VTI1A: variants seen among roughly 807,000 people sequenced by gnomAD.
The protein encoded by VTI1A is vesicle transport through interaction with t-SNAREs 1A.
VTI1A carries 22 observed loss-of-function variants against 34.9 expected under a neutral mutation model. The ratio of observed to expected loss-of-function variants is 0.63; its 90% CI spans 0.45 to 0.90. The LOEUF (loss-of-function observed/expected upper bound fraction) is 0.90. Among genes scored for constraint, VTI1A ranks in the 40% least tolerant of loss-of-function variants. VTI1A has a pLI of 0.00. For synonymous variants in VTI1A, 87 were observed against 97.3 expected (o/e 0.89, Z 0.62); for missense variants, 268 against 275.6 (o/e 0.97, Z 0.20).
At chr10:112,474,172 C>T (rs933721956) in intron 3 of VTI1A, among the ~76,000 whole-genome samples, 1 of 152,114 alleles carries the variant, frequency 6.6e-6, no homozygotes, top group Non-Finnish European at 1.5e-5. Flanking sequence ...TGCCATTCTC[C>T]TGCCTCAGCC....
chr10:112,562,217 T>C (rs1851745641), intron 5 of VTI1A, among the ~76,000 whole-genome samples: 1 of 152,204 alleles, frequency 6.6e-6, no homozygotes, highest in Admixed American at 6.5e-5. Flanking sequence ...GTTTAAAGTA[T>C]CATCGTCCAG....
At chr10:112,720,958 A>T (rs909247870) in intron 7 of VTI1A, among the ~76,000 whole-genome samples, 2 of 141,662 alleles carry the variant, frequency 1.4e-5, no homozygotes, top group African/African-American at 2.9e-5. Context: ...TCACTGATTT[A>T]AAAAAAAAAA....
chr10:112,764,499 A>G (rs547575176), intron 7 of VTI1A, among the ~76,000 whole-genome samples: 3 of 151,586 alleles, frequency 2.0e-5, no homozygotes, highest in East Asian at 3.9e-4. Flanking sequence ...TCTGTTTTAT[A>G]TAGAGTGATA....
intron 5 of VTI1A, among the ~76,000 whole-genome samples, chr10:112,662,727 A>G (rs1337302301): frequency 6.6e-6 from 1 of 152,152 alleles, no homozygotes; most frequent in African/African-American, 2.4e-5. Context: ...CACACACTGT[A>G]TAAAAAAGAA....
intron 7 of VTI1A, among the ~76,000 whole-genome samples, chr10:112,735,800 T>C (rs951081510): frequency 7.2e-5 from 11 of 152,004 alleles, no homozygotes; most frequent in East Asian, 5.8e-4. Flanking sequence ...TTAGTTGAAA[T>C]TAATATTCTG....
At chr10:112,497,138 T>C (rs1849055679) in intron 3 of VTI1A, among the ~76,000 whole-genome samples, 1 of 151,878 alleles carries the variant, frequency 6.6e-6, no homozygotes, top group South Asian at 2.1e-4. Context: ...GCCAAAATGG[T>C]GAAACCTCAT....
In VTI1A at chr10:112,722,532, A is replaced by T. The variant is rs144399856; in HGVS notation, c.560+53534A>T. On this transcript the variant is annotated intron_variant, in intron 7 of 7. Transcript: ENST00000393077. ...AATAATAAAAAAATTAAACATTTTT[A>T]AAAAAAGATTTGATATGAGCCTGCA... Among the ~76,000 whole-genome samples the T allele has an allele frequency of 2.1e-3, 321 of 152,320 alleles. 3 individuals carry two copies. The highest frequency in any genetic ancestry group is 7.3e-3 in the African/African-American group (303 of 41,560).
chr10:112,748,950 C>A (rs1042787759), intron 7 of VTI1A, among the ~76,000 whole-genome samples: 1 of 152,124 alleles, frequency 6.6e-6, no homozygotes. Flanking sequence ...GTCTTACATG[C>A]TTTAAGTATA....
intron 1 of VTI1A, among the ~76,000 whole-genome samples, chr10:112,451,529 A>G (rs936167522): frequency 2.0e-5 from 3 of 152,232 alleles, no homozygotes; most frequent in Non-Finnish European, 2.9e-5. Flanking sequence ...GTAAGTGATT[A>G]GGGCCTTTTG....
chr10:112,848,112 A>C, the VTI1A span, among the ~76,000 whole-genome samples: 1 of 152,240 alleles, frequency 6.6e-6, no homozygotes, highest in East Asian at 1.9e-4. Context: ...AACCGCCATC[A>C]TGAGACTTTA....
At chr10:112,709,682 CTTTTTTT>C (rs57081938) in intron 7 of VTI1A, among the ~76,000 whole-genome samples, 810 of 70,238 alleles carry the variant, frequency 0.012, 10 homozygotes, top group African/African-American at 0.05. Context: ...CTCTATGTGG[CTTTTTTT>C]TTTTTTTTTT....
At chr10:112,571,724 A>T (rs1368867438) in intron 5 of VTI1A, among the ~76,000 whole-genome samples, 2 of 152,212 alleles carry the variant, frequency 1.3e-5, no homozygotes, top group Non-Finnish European at 2.9e-5. Flanking sequence ...TAGCAAAAAC[A>T]TGAAATCAAC....
At chr10:112,798,383 G>C (rs7082784) in intron 7 of VTI1A, among the ~76,000 whole-genome samples, 40,039 of 151,974 alleles carry the variant, frequency 0.26, 5,551 homozygotes, top group Non-Finnish European at 0.29. Context: ...AGGGGCCATC[G>C]TGTTGTCTAG....
Position 112,686,382 on chromosome 10 carries a change from G to A in VTI1A, c.560+17384G>A, listed in dbSNP as rs560272391. ...GACACTTTGATAGGGGCAGCATTAG[G>A]ATCCATGGAGAGGCACCATTGTAAA... On this transcript the variant is annotated intron_variant, in intron 7 of 7. Transcript: ENST00000393077. Among the ~76,000 whole-genome samples the A allele has an allele frequency of 1.2e-4, 18 of 152,214 alleles. No individual in the cohort carries two copies. The South Asian group carries it at 2.3e-3, about 19-fold the overall frequency.
chr10:112,637,110 A>G (rs1476074331), intron 5 of VTI1A, among the ~76,000 whole-genome samples: 1 of 152,194 alleles, frequency 6.6e-6, no homozygotes, highest in Admixed American at 6.5e-5. Flanking sequence ...AACATTAGAA[A>G]TTGTTTATTC....
intron 3 of VTI1A, among the ~76,000 whole-genome samples, chr10:112,522,031 A>G (rs1850044547): frequency 6.6e-6 from 1 of 152,112 alleles, no homozygotes; most frequent in African/African-American, 2.4e-5. Context: ...TTACAGAAGT[A>G]TGATATTATT....
intron 7 of VTI1A, among the ~76,000 whole-genome samples, chr10:112,717,436 G>T (rs1224339150): frequency 6.6e-6 from 1 of 152,130 alleles, no homozygotes. Context: ...CTGGCTCAGG[G>T]TCTCTCATGA....
At chr10:112,799,998 C>T (rs749575474) in intron 7 of VTI1A, among the ~76,000 whole-genome samples, 30 of 151,918 alleles carry the variant, frequency 2.0e-4, no homozygotes, top group Non-Finnish European at 1.3e-4. Context: ...ATCTAGAAAA[C>T]GTAACCACAT....
intron 5 of VTI1A, among the ~76,000 whole-genome samples, chr10:112,570,894 G>A (rs189431447): frequency 5.6e-4 from 85 of 152,326 alleles, no homozygotes; most frequent in Non-Finnish European, 8.5e-4. Flanking sequence ...AGTGGTTACT[G>A]TGTGCCTGGC....
Sources: allele counts gnomAD v4.1 joint callset (sites outside exome capture counted in the v4.1 genomes callset), GRCh38; gene constraint gnomAD v4.1.1; transcripts MANE v1.5; gene names NCBI Gene and HGNC (gene_info 2026-07-23, HGNC 2026-07-21).